Variants in FBLN5 observed in about 807,000 individuals in gnomAD.
FBLN5 encodes fibulin-5.
Under a neutral mutation model 61.6 loss-of-function variants are expected in FBLN5, and 24 were observed. That is an observed-to-expected ratio of 0.39 (90% CI 0.28 to 0.55). The LOEUF (loss-of-function observed/expected upper bound fraction) is 0.55. FBLN5 is among the 20% of genes least tolerant of loss of function. FBLN5 has a pLI of 0.65. For missense variants in FBLN5, 470 were observed against 594.1 expected (o/e 0.79, Z 2.17); for synonymous variants, 213 against 219.8 (o/e 0.97, Z 0.27).
chr14:91,877,759 C>T, intron 9 of FBLN5, 77 bp from the exon 10 acceptor site: 1 of 1,201,770 alleles, frequency 8.3e-7, no homozygotes, highest in Admixed American at 1.7e-5. Flanking sequence ...TCTCTTAAAA[C>T]ACTGAAAATG....
Position 91,891,261 on chromosome 14 carries a change from G to A in FBLN5, c.579C>T (p.Asn193=). ...CATCCTCATTGAGGGTAAAACCAGG[G>A]TTGCATGTACAAGAATAGGATCCAG... ...NVPGSYSCTC[N]PGFTLNEDGR... Residue 193 remains asparagine (N), a synonymous_variant, in exon 6 of 11, where the codon AAC becomes AAT. Coordinates refer to ENST00000342058, the MANE Select transcript of FBLN5 (RefSeq NM_006329.4). 1 of 1,613,624 alleles carries A rather than the reference G, an allele frequency of 6.2e-7. No individual in the cohort carries two copies. Among genetic ancestry groups the A allele is most frequent in the Non-Finnish European group, 8.5e-7 (1 of 1,179,520 alleles).
intron 4 of FBLN5, among the ~76,000 whole-genome samples, chr14:91,899,283 C>G (rs1227384412): frequency 6.6e-6 from 1 of 152,232 alleles, no homozygotes; most frequent in African/African-American, 2.4e-5. Flanking sequence ...CTCCTGGCTG[C>G]TGTCACACCA....
chr14:91,882,619 T>C lies in FBLN5; in HGVS notation c.862+335A>G, dbSNP rs1221517803. On this transcript the variant is annotated intron_variant, in intron 8 of 10. Coordinates refer to ENST00000342058, the MANE Select transcript of FBLN5 (RefSeq NM_006329.4). The surrounding 1 kb of genome is among the most constrained non-coding windows in gnomAD (Gnocchi z 4.9). ...CTGGCCAGGCCATAAAAGTCCTGCT[T>C]AGCTCTGGAGCAGTTCTCAGAGGAG... Among the ~76,000 whole-genome samples the C allele has an allele frequency of 6.6e-6, 1 of 152,206 alleles. No individual in the cohort carries two copies. The highest frequency in any genetic ancestry group is 1.5e-5 in the Non-Finnish European group (1 of 68,038).
intron 4 of FBLN5, among the ~76,000 whole-genome samples, chr14:91,919,745 A>G (rs1218415442): frequency 6.6e-6 from 1 of 152,238 alleles, no homozygotes; most frequent in African/African-American, 2.4e-5. Flanking sequence ...CTATAAGCCA[A>G]TTAGAAAGAC....
intron 4 of FBLN5, among the ~76,000 whole-genome samples, chr14:91,918,281 C>T (rs1396415127): frequency 1.3e-5 from 2 of 152,228 alleles, no homozygotes; most frequent in Non-Finnish European, 2.9e-5. Context: ...TCTGCATAGT[C>T]AGGCTTTCTG....
At chr14:91,936,318 C>T (rs1275257120) in intron 4 of FBLN5, among the ~76,000 whole-genome samples, 3 of 152,222 alleles carry the variant, frequency 2.0e-5, no homozygotes, top group Non-Finnish European at 4.4e-5. Context: ...TTCACAGGCG[C>T]GATCACAGCG....
chr14:91,882,968 T>C lies in FBLN5; in HGVS notation c.848A>G (p.Asn283Ser). The C allele has an allele frequency of 1.2e-6, 2 of 1,613,976 alleles. No individual in the cohort carries two copies. Among genetic ancestry groups the C allele is most frequent in the South Asian group, 1.1e-5 (1 of 91,072 alleles). ...CPPGYILLDD[N>S]RSCQDINECE... is the part of the protein sequence containing the mutation. ...GACAGCCTTACCTTGGCAGCTTCGG[T>C]TGTCATCCAGCAGGATGTAGCCTGG... The change falls in exon 8 of 11, where the codon AAC (asparagine) becomes AGC (serine). Residue 283 changes from asparagine (N) to serine (S), a missense_variant. Transcript: ENST00000342058. The surrounding 1 kb of genome is among the most constrained non-coding windows in gnomAD (Gnocchi z 4.9).
rs1383355343 is a variant in FBLN5 at position 91,943,545 on chromosome 14, T to C, written c.18-584A>G. On this transcript the variant is annotated intron_variant, in intron 1 of 10. Coordinates refer to ENST00000342058, the MANE Select transcript of FBLN5 (RefSeq NM_006329.4). The surrounding 1 kb of genome is among the most constrained non-coding windows in gnomAD (Gnocchi z 4.0). ...CCAAAAAAGCTAAAACCTCCCACTA[T>C]GGTATTAACCAGTTCCTTGGTCTTT... Among the ~76,000 whole-genome samples, 1 of 151,720 alleles carries C rather than the reference T, an allele frequency of 6.6e-6. No individual in the cohort carries two copies. Among genetic ancestry groups the C allele is most frequent in the African/African-American group, 2.4e-5 (1 of 41,288 alleles).
intron 3 of FBLN5, among the ~76,000 whole-genome samples, chr14:91,937,735 A>T (rs1347668244): frequency 6.6e-6 from 1 of 152,184 alleles, no homozygotes; most frequent in Non-Finnish European, 1.5e-5. Context: ...CCCTCACCAG[A>T]TGGAGATCCT....
chr14:91,871,602 A>G (rs1339381039), intron 10 of FBLN5, among the ~76,000 whole-genome samples: 2 of 152,188 alleles, frequency 1.3e-5, no homozygotes, highest in African/African-American at 4.8e-5. Context: ...TCACAACTGT[A>G]ATCCCAGCAT....
intron 4 of FBLN5, among the ~76,000 whole-genome samples, chr14:91,925,865 C>T (rs989041373): frequency 1.2e-4 from 19 of 152,170 alleles, no homozygotes; most frequent in Admixed American, 3.3e-4. Context: ...GCCCACAAGG[C>T]GCTTAAGGAA....
intron 4 of FBLN5, among the ~76,000 whole-genome samples, chr14:91,903,248 C>T (rs17805293): frequency 0.25 from 38,280 of 151,996 alleles, 5,049 homozygotes; most frequent in Middle Eastern, 0.41. Flanking sequence ...TTCTGGTGTA[C>T]GGACAGAGCC....
chr14:91,884,430 G>C (rs1889634095), intron 7 of FBLN5, among the ~76,000 whole-genome samples: 1 of 152,166 alleles, frequency 6.6e-6, no homozygotes, highest in Non-Finnish European at 1.5e-5. Context: ...TAGAGTAGTA[G>C]TGATGTCTGT....
rs558336856 is a variant in FBLN5, at chr14:91,872,490, C to A, written c.1186-2105G>T. ...GTCTCTGCAAAATAAAGGAACCTAG[C>A]TGGTTTAAAGCTACACTAGATGTTT... On this transcript the variant is annotated intron_variant, in intron 10 of 10. Transcript: ENST00000342058. Among the ~76,000 whole-genome samples the A allele has an allele frequency of 2.6e-5, 4 of 152,300 alleles. No homozygotes were observed. In the East Asian group the frequency reaches 5.8e-4, roughly 22 times the overall value.
At chr14:91,877,146 A>G (rs1436204667) in intron 10 of FBLN5, among the ~76,000 whole-genome samples, 3 of 152,156 alleles carry the variant, frequency 2.0e-5, no homozygotes, top group Non-Finnish European at 4.4e-5. Context: ...CCTGGCCTGC[A>G]TAGGAGGTAC....
intron 3 of FBLN5, chr14:91,940,028 C>T (rs2056082176): frequency 2.2e-6 from 1 of 448,748 alleles, no homozygotes; most frequent in Non-Finnish European, 4.4e-6. Context: ...AGGGAGGAGC[C>T]ACCAGCCAAG....
At position 91,940,575 on chromosome 14, in the gene FBLN5, T is replaced by C. The variant is rs1310210344; in HGVS notation, c.114A>G (p.Gly38=). 6.2e-7 allele frequency: 1 copy of C among 1,613,850 alleles called. No homozygotes were observed. Among genetic ancestry groups the C allele is most frequent in the East Asian group, 2.2e-5 (1 of 44,892 alleles). Residue 38 remains glycine, a synonymous_variant, in exon 3 of 11, where the codon GGA becomes GGG. Coordinates refer to ENST00000342058, the MANE Select transcript of FBLN5 (RefSeq NM_006329.4). ...TNGFDLDRQS[G]QCLDIDECRT... ...CACAGTGGCTCATACCTAAACACTGTCCTGACTGGCGATCCAGGTCAAAGC... is the reference window on the plus strand; with the variant it reads ...CACAGTGGCTCATACCTAAACACTGCCCTGACTGGCGATCCAGGTCAAAGC...
chr14:91,946,077 C>A (rs2056178629), intron 1 of FBLN5, among the ~76,000 whole-genome samples: 1 of 146,852 alleles, frequency 6.8e-6, no homozygotes, highest in Admixed American at 6.8e-5. Context: ...ATGCTAACCC[C>A]ATCTTTCCCC....
Position 91,883,081 on chromosome 14 carries a change from G to A in FBLN5, c.740-5C>T, listed in dbSNP as rs989109812. On this transcript the variant is annotated splice_polypyrimidine_tract_variant and splice_region_variant and intron_variant, in intron 7 of 10. Transcript: ENST00000342058. ...AGAAGCTGCACTCGTCCATATCTGG[G>A]GTGACAAGTCACACCTGCTGTTTGT... The A allele has an allele frequency of 5.0e-6, 8 of 1,613,674 alleles. No homozygotes were observed. The highest frequency in any genetic ancestry group is 6.8e-6 in the Non-Finnish European group (8 of 1,179,720).
Sources: gnomAD v4.1 joint callset for allele counts (sites outside exome capture counted in the v4.1 genomes callset) on GRCh38, gnomAD v4.1.1 for gene constraint, Gnocchi (gnomAD v3.1) non-coding constraint, MANE v1.5 for transcripts, NCBI Gene and HGNC (gene_info 2026-07-23, HGNC 2026-07-21) for gene names.